The following FANCC variants were observed in gnomAD, a reference collection of about 807,000 sequenced individuals.
FANCC encodes the protein FA complementation group C.
In FANCC, 55 loss-of-function variants were observed where a neutral mutation model predicts 71.3. That is an observed-to-expected ratio of 0.77 (90% CI 0.62 to 0.97). FANCC has a LOEUF of 0.97. FANCC is among the 50% of genes least tolerant of loss of function. The pLI, the probability that FANCC is intolerant of heterozygous loss-of-function variation, is 0.00. For synonymous variants in FANCC, 275 were observed against 244.9 expected (o/e 1.12, Z -1.15); for missense variants, 678 against 670.9 (o/e 1.01, Z -0.12).
At chr9:95,114,312 C>G in intron 12 of FANCC, 1 of 382,228 alleles carries the variant, frequency 2.6e-6, no homozygotes, top group Non-Finnish European at 5.0e-6. Context: ...CAGGTGGGTG[C>G]TGCTTTTTCC....
At chr9:95,118,298 C>T (rs2134718537) in intron 10 of FANCC, among the ~76,000 whole-genome samples, 1 of 152,332 alleles carries the variant, frequency 6.6e-6, no homozygotes, top group East Asian at 1.9e-4. Flanking sequence ...GGGTTATAGT[C>T]ATGAGCCACT....
chr9:95,133,094 C>T lies in FANCC; in HGVS notation c.843+2252G>A, dbSNP rs994417395. The stretch of plus-strand genomic sequence containing the variant: ...ATACTTCTGTACAGTCCTGTCACTG[C>T]ACCAAGATACTGCACTGCGATAAAT... On this transcript the variant is annotated intron_variant, in intron 8 of 14. Transcript: ENST00000289081. Among the ~76,000 whole-genome samples the T allele has an allele frequency of 1.2e-4, 18 of 152,212 alleles. No homozygotes were observed. The East Asian group carries it at 1.3e-3, about 11-fold the overall frequency.
Position 95,265,520 on chromosome 9 carries a change from A to T in FANCC, c.-78-16151T>A, listed in dbSNP as rs113761778. Among the ~76,000 whole-genome samples the T allele has an allele frequency of 3.3e-3, 496 of 152,294 alleles. 1 individual carries two copies. The highest frequency in any genetic ancestry group is 4.9e-3 in the Non-Finnish European group (335 of 68,028). On this transcript the variant is annotated intron_variant, in intron 1 of 14. Transcript: ENST00000289081. Reference sequence around the variant, plus strand: ...AGGAGCCATCATTCGGACTTGAAAAATACCAGCCTTCCCTCATGCATTCTA... The same window carrying T: ...AGGAGCCATCATTCGGACTTGAAAATTACCAGCCTTCCCTCATGCATTCTA...
intron 1 of FANCC, among the ~76,000 whole-genome samples, chr9:95,274,961 G>A (rs186137542): frequency 6.6e-6 from 1 of 151,940 alleles, no homozygotes; most frequent in South Asian, 2.1e-4. Context: ...AGTTCCTCAA[G>A]TAATTTTTAA....
intron 14 of FANCC, among the ~76,000 whole-genome samples, chr9:95,104,261 C>T (rs567446939): frequency 4.6e-5 from 7 of 152,390 alleles, no homozygotes; most frequent in African/African-American, 1.4e-4. Flanking sequence ...GGTTTCAAAA[C>T]ATCCGAAAGG....
At chr9:95,227,132 C>A (rs888344863) in intron 4 of FANCC, among the ~76,000 whole-genome samples, 9 of 152,224 alleles carry the variant, frequency 5.9e-5, no homozygotes, top group South Asian at 2.1e-4. Flanking sequence ...CGACCTATGA[C>A]ATCATCTCTC....
intron 4 of FANCC, among the ~76,000 whole-genome samples, chr9:95,196,125 A>G (rs1463991276): frequency 6.6e-6 from 1 of 152,060 alleles, no homozygotes; most frequent in Non-Finnish European, 1.5e-5. Context: ...TTGACTGATA[A>G]CAGTGTCTTG....
intron 4 of FANCC, among the ~76,000 whole-genome samples, chr9:95,228,853 C>T (rs1019738327): frequency 2.0e-5 from 3 of 152,084 alleles, no homozygotes; most frequent in Non-Finnish European, 1.5e-5. Context: ...GTGAGGAGGC[C>T]ACTGTGGCTG....
intron 1 of FANCC, among the ~76,000 whole-genome samples, chr9:95,291,753 C>T (rs1013608162): frequency 6.6e-6 from 1 of 151,342 alleles, no homozygotes; most frequent in Non-Finnish European, 1.5e-5. Flanking sequence ...TGCGAGACCA[C>T]CCTGGCCAAC....
intron 1 of FANCC, among the ~76,000 whole-genome samples, chr9:95,267,805 G>A (rs1379997897): frequency 1.3e-5 from 2 of 152,050 alleles, no homozygotes; most frequent in African/African-American, 4.8e-5. Flanking sequence ...TGAAAAGGCA[G>A]AATTAAAAGA....
chr9:95,236,774 A>G (rs1352196616), intron 4 of FANCC, among the ~76,000 whole-genome samples: 1 of 152,228 alleles, frequency 6.6e-6, no homozygotes, highest in Non-Finnish European at 1.5e-5. Flanking sequence ...ATCCTAGCAC[A>G]TGGTAGGCCC....
At chr9:95,133,244 C>T (rs1480851956) in intron 8 of FANCC, among the ~76,000 whole-genome samples, 1 of 152,254 alleles carries the variant, frequency 6.6e-6, no homozygotes, top group African/African-American at 2.4e-5. Context: ...CTGAGGAGAA[C>T]AGCCCACACC....
chr9:95,203,778 G>C (rs1827947993), intron 4 of FANCC, among the ~76,000 whole-genome samples: 1 of 151,688 alleles, frequency 6.6e-6, no homozygotes, highest in Non-Finnish European at 1.5e-5. Flanking sequence ...ACATTTTTTT[G>C]CAAATCTCTT....
chr9:95,237,512 T>C (rs1478385638), intron 4 of FANCC, among the ~76,000 whole-genome samples: 3 of 152,274 alleles, frequency 2.0e-5, no homozygotes, highest in East Asian at 1.9e-4. Flanking sequence ...TTCTGCTGTA[T>C]GCTCCACAGC....
intron 7 of FANCC, among the ~76,000 whole-genome samples, chr9:95,135,862 C>G (rs1384887210): frequency 6.6e-6 from 1 of 152,192 alleles, no homozygotes; most frequent in African/African-American, 2.4e-5. Context: ...TTCAAACACG[C>G]GTAATCATGC....
At chr9:95,168,342 G>T (rs564868539) in intron 6 of FANCC, among the ~76,000 whole-genome samples, 1 of 152,246 alleles carries the variant, frequency 6.6e-6, no homozygotes, top group South Asian at 2.1e-4. Context: ...GCCTCCATCG[G>T]CAGCACTGTC....
intron 3 of FANCC, among the ~76,000 whole-genome samples, chr9:95,245,838 G>A (rs763937122): frequency 4.0e-5 from 6 of 151,246 alleles, no homozygotes; most frequent in East Asian, 2.0e-4. Context: ...CAGAGGTTGC[G>A]GTGAGCCGAG....
intron 1 of FANCC, among the ~76,000 whole-genome samples, chr9:95,289,434 T>C (rs776250869): frequency 6.6e-6 from 1 of 152,134 alleles, no homozygotes; most frequent in Non-Finnish European, 1.5e-5. Flanking sequence ...GTATAGTATA[T>C]AGAAATCATA....
intron 4 of FANCC, among the ~76,000 whole-genome samples, chr9:95,193,513 A>G (rs550939113): frequency 5.2e-4 from 79 of 152,308 alleles, no homozygotes; most frequent in African/African-American, 1.9e-3. Context: ...TAAATTTGAG[A>G]TTATTTTGTG....
Sources: gnomAD v4.1 joint callset for allele counts (sites outside exome capture counted in the v4.1 genomes callset) on GRCh38, gnomAD v4.1.1 for gene constraint, MANE v1.5 for transcripts, NCBI Gene and HGNC (gene_info 2026-07-23, HGNC 2026-07-21) for gene names.